Variants in FGFRL1 observed in about 807,000 individuals in gnomAD.
FGFRL1 encodes the protein fibroblast growth factor receptor-like 1.
Under a neutral mutation model 36.8 loss-of-function variants are expected in FGFRL1, and 24 were observed. The observed-to-expected ratio is 0.65, with a 90% CI of 0.47 to 0.92. The LOEUF (loss-of-function observed/expected upper bound fraction) is 0.92, where lower values mean the gene tolerates loss of function less well. Among genes scored for constraint, FGFRL1 ranks in the 40% least tolerant of loss-of-function variants. The probability of loss-of-function intolerance (pLI) is 0.00; values close to 1 mark genes in which losing one functional copy is unlikely to be tolerated. For missense variants in FGFRL1, 785 were observed against 753.4 expected (o/e 1.04, Z -0.49); for synonymous variants, 422 against 344.1 (o/e 1.23, Z -2.50).
At chr4:1,021,488 G>A (rs1716176880) in intron 2 of FGFRL1, among the ~76,000 whole-genome samples, 1 of 152,138 alleles carries the variant, frequency 6.6e-6, no homozygotes, top group Non-Finnish European at 1.5e-5. Flanking sequence ...AGGCTAAGGT[G>A]CCTGGCAGGG....
rs1459722496 is a variant in FGFRL1, at chr4:1,011,735, C to T, written c.-236C>T. 11 of 144,322 alleles carry T rather than the reference C, an allele frequency of 7.6e-5. No homozygotes were observed. Among genetic ancestry groups the T allele is most frequent in the African/African-American group, 2.7e-4 (11 of 40,102 alleles). The allele number at this position is 144,322 out of a possible 1,614,324, so 8.9% of individuals were successfully genotyped here. On this transcript the variant is annotated 5_prime_UTR_variant, in exon 1 of 7. Coordinates refer to ENST00000510644, the MANE Select transcript of FGFRL1 (RefSeq NM_001004356.3). ...CGGCCCCCGGCCCCGCGGACTCGCC[C>T]CCGCCGCCTGCCCGGTCCGGGACCC...
Position 1,025,311 on chromosome 4 carries a change from G to C in FGFRL1, c.1479G>C (p.Glu493Asp), listed in dbSNP as rs1716457705. 6.4e-7 allele frequency: 1 copy of C among 1,563,458 alleles called. No homozygotes were observed. Among genetic ancestry groups the C allele is most frequent in the Non-Finnish European group, 8.7e-7 (1 of 1,153,614 alleles). The change falls in exon 7 of 7, where the codon GAG becomes GAC. Residue 493 changes from glutamate (E) to aspartate (D), a missense_variant. Coordinates refer to ENST00000510644, the MANE Select transcript of FGFRL1 (RefSeq NM_001004356.3). ...ACTCTCACACACACTCACACGTGGA[G>C]GGCAAGGTCCACCAGCACATCCACT... is the stretch of plus-strand genomic sequence containing the variant. ...HTHSHTHSHVEGKVHQHIHYQ... is the reference protein window; with the variant it reads ...HTHSHTHSHVDGKVHQHIHYQ...
Position 1,025,426 on chromosome 4 carries a change from G to T in FGFRL1, c.*79G>T. ...GAGGATGGAGGACGGAGCTGCAGAC[G>T]AAGGCAGGGGACCCATGGCGAGGAG... is the stretch of plus-strand genomic sequence containing the variant. On this transcript the variant is annotated 3_prime_UTR_variant, in exon 7 of 7. Coordinates refer to ENST00000510644, the MANE Select transcript of FGFRL1 (RefSeq NM_001004356.3). 1 of 1,476,996 alleles carries T rather than the reference G, an allele frequency of 6.8e-7. No homozygotes were observed. The allele number at this position is 1,476,996 out of a possible 1,614,324, so 91.5% of individuals were successfully genotyped here.
At chr4:1,016,682 C>A (rs1446395175) in intron 2 of FGFRL1, among the ~76,000 whole-genome samples, 2 of 152,046 alleles carry the variant, frequency 1.3e-5, no homozygotes, top group Non-Finnish European at 2.9e-5. Flanking sequence ...TGGGTCTGCT[C>A]CCCGAGGGCC....
intron 5 of FGFRL1, 44 bp from the exon 6 acceptor site, chr4:1,024,267 C>G: frequency 6.5e-7 from 1 of 1,540,680 alleles, no homozygotes; most frequent in Non-Finnish European, 8.7e-7. Context: ...GGGGTAGAGT[C>G]CGGCGCGGCC....
Position 1,024,408 on chromosome 4 carries a change from C to T in FGFRL1, c.816C>T (p.Ser272=), listed in dbSNP as rs758442194. 8.1e-6 allele frequency: 13 copies of T among 1,612,616 alleles called. No individual in the cohort carries two copies. The highest frequency in any genetic ancestry group is 3.3e-5 in the South Asian group (3 of 91,078). Residue 272 remains serine (S), a synonymous_variant, in exon 6 of 7, where the codon AGC becomes AGT. Transcript: ENST00000510644. The part of the protein sequence containing the change: ...GTTSFQCKVR[S]DVKPVIQWLK... Reference sequence around the variant, plus strand: ...CGTCCTTCCAGTGCAAGGTGCGCAGCGACGTGAAGCCGGTGATCCAGTGGC... The same window carrying T: ...CGTCCTTCCAGTGCAAGGTGCGCAGTGACGTGAAGCCGGTGATCCAGTGGC...
At chr4:1,012,279 T>G in intron 1 of FGFRL1, 191 bp from the exon 2 acceptor site, 1 of 507,512 alleles carries the variant, frequency 2.0e-6, no homozygotes, top group Non-Finnish European at 3.4e-6. Flanking sequence ...GGGAGCCCGG[T>G]AATTAGTGTA....
In FGFRL1 at chr4:1,011,686, C is replaced by T. The variant is rs1248007896; in HGVS notation, c.-285C>T. 8 of 144,762 alleles carry T rather than the reference C, an allele frequency of 5.5e-5. No individual in the cohort carries two copies. In the South Asian group the frequency reaches 9.3e-4, roughly 17 times the overall value. 9.0% of individuals were successfully genotyped at this position (144,762 alleles called of 1,614,324 possible). A position where few individuals can be genotyped will look rare whatever the true frequency, so the allele number is the denominator to read the frequency against. On this transcript the variant is annotated 5_prime_UTR_variant, in exon 1 of 7. Coordinates refer to ENST00000510644, the MANE Select transcript of FGFRL1 (RefSeq NM_001004356.3). ...CGGCGCGGCGCCCCGGGCCCCTCGCCCCGCCGCCCCGGGATCCCGGCCCCG... is the reference window on the plus strand; with the variant it reads ...CGGCGCGGCGCCCCGGGCCCCTCGCTCCGCCGCCCCGGGATCCCGGCCCCG...
In FGFRL1 at chr4:1,025,271, C is replaced by G. The variant is rs1285794151; in HGVS notation, c.1439C>G (p.Thr480Arg). 1 of 1,568,990 alleles carries G rather than the reference C, an allele frequency of 6.4e-7. No individual in the cohort carries two copies. Among genetic ancestry groups the G allele is most frequent in the African/African-American group, 1.4e-5 (1 of 74,062 alleles). The stretch of plus-strand genomic sequence containing the variant: ...CCCAAACTCTACACAGACATCCACA[C>G]ACACACACACACACACTCTCACACA... ...LYPKLYTDIH[T>R]HTHTHSHTHS... The change falls in exon 7 of 7, where the codon ACA becomes AGA. Residue 480 changes from threonine (T) to arginine (R), a missense_variant. Transcript: ENST00000510644.
chr4:1,024,764 G>C, intron 6 of FGFRL1, 100 bp downstream of exon 6: 2 of 1,403,544 alleles, frequency 1.4e-6, no homozygotes, highest in Middle Eastern at 2.1e-4. Flanking sequence ...CTTCCCTCCC[G>C]GGCCGTGCTG....
At chr4:1,021,205 G>C (rs1202069126) in intron 2 of FGFRL1, among the ~76,000 whole-genome samples, 13 of 149,720 alleles carry the variant, frequency 8.7e-5, no homozygotes, top group Admixed American at 6.6e-5. Flanking sequence ...GATGGGGTGG[G>C]GCGGGGACCC....
At chr4:1,012,375 A>G in intron 1 of FGFRL1, 95 bp from the exon 2 acceptor site, 4 of 1,428,248 alleles carry the variant, frequency 2.8e-6, no homozygotes, top group South Asian at 1.3e-5. Flanking sequence ...GCCTGTGGGG[A>G]GGGCGGCCAG....
chr4:1,023,389 C>T lies in FGFRL1; in HGVS notation c.353-252C>T, dbSNP rs1052661765. On this transcript the variant is annotated intron_variant, in intron 3 of 6. Coordinates refer to ENST00000510644, the MANE Select transcript of FGFRL1 (RefSeq NM_001004356.3). This position sits in a 1 kb window ranked among gnomAD's most constrained non-coding sequence, Gnocchi z 6.0. ...CCTCCCCCGGGGCCTGCAGACCCCC[C>T]GGAGCCAGAATGGGGGCCGGCCCTC... Among the ~76,000 whole-genome samples, 8 of 152,288 alleles carry T rather than the reference C, an allele frequency of 5.3e-5. No homozygotes were observed. The highest frequency in any genetic ancestry group is 6.8e-3 in the Middle Eastern group (2 of 294).
chr4:1,024,139 T>G (rs1716362479), intron 5 of FGFRL1, 38 bp downstream of exon 5: 4 of 1,117,476 alleles, frequency 3.6e-6, no homozygotes, highest in African/African-American at 1.9e-5. Context: ...CGGGGGGTGC[T>G]GGTGGGCGGG....
At chr4:1,014,289 T>A (rs991204617) in intron 2 of FGFRL1, among the ~76,000 whole-genome samples, 1 of 152,156 alleles carries the variant, frequency 6.6e-6, no homozygotes, top group Non-Finnish European at 1.5e-5. Context: ...TTTTTCCAAT[T>A]TGAAAAAATA....
Position 1,025,291 on chromosome 4 carries a change from C to T in FGFRL1, c.1459C>T (p.His487Tyr). Residue 487 changes from histidine to tyrosine, a missense_variant, in exon 7 of 7, where the codon CAC becomes TAC. Coordinates refer to ENST00000510644, the MANE Select transcript of FGFRL1 (RefSeq NM_001004356.3). ...DIHTHTHTHS[H>Y]THSHVEGKVH... ...CCACACACACACACACACACACTCT[C>T]ACACACACTCACACGTGGAGGGCAA... The T allele has an allele frequency of 1.3e-6, 2 of 1,574,724 alleles. No homozygotes were observed. Among genetic ancestry groups the T allele is most frequent in the Non-Finnish European group, 1.7e-6 (2 of 1,159,570 alleles).
chr4:1,024,266 T>A (rs756576255), intron 5 of FGFRL1, 45 bp from the exon 6 acceptor site: 5 of 1,537,062 alleles, frequency 3.3e-6, no homozygotes, highest in Non-Finnish European at 4.4e-6. Flanking sequence ...CGGGGTAGAG[T>A]CCGGCGCGGC....
At chr4:1,013,249 C>G (rs571527930) in intron 2 of FGFRL1, among the ~76,000 whole-genome samples, 2 of 152,384 alleles carry the variant, frequency 1.3e-5, no homozygotes, top group Non-Finnish European at 2.9e-5. Flanking sequence ...GCAAGGACAT[C>G]CGGAGCCGAT....
At position 1,011,808 on chromosome 4, in the gene FGFRL1, C is replaced by G. The variant is rs1306510521; in HGVS notation, c.-163C>G. ...GGACCCCGACCCGGCCCGAGCCGCC[C>G]GCGCCCAGGTAGCGCCGCCCCGCCC... On this transcript the variant is annotated 5_prime_UTR_variant, in exon 1 of 7. Coordinates refer to ENST00000510644, the MANE Select transcript of FGFRL1 (RefSeq NM_001004356.3). 6.9e-6 allele frequency: 1 copy of G among 144,070 alleles called. No individual in the cohort carries two copies. Among genetic ancestry groups the G allele is most frequent in the South Asian group, 2.0e-4 (1 of 5,044 alleles). 8.9% of individuals were successfully genotyped at this position (144,070 alleles called of 1,614,324 possible). A position where few individuals can be genotyped will look rare whatever the true frequency, so the allele number is the denominator to read the frequency against.
Sources: allele counts gnomAD v4.1 joint callset (sites outside exome capture counted in the v4.1 genomes callset), GRCh38; gene constraint gnomAD v4.1.1; non-coding constraint Gnocchi (gnomAD v3.1); transcripts MANE v1.5; gene names NCBI Gene and HGNC (gene_info 2026-07-23, HGNC 2026-07-21).